Variants in DPP10 observed in about 807,000 individuals in gnomAD.
DPP10 encodes the protein dipeptidyl peptidase like 10.
DPP10 carries 33 observed loss-of-function variants against 120.9 expected under a neutral mutation model. The observed-to-expected ratio is 0.27, with a 90% CI of 0.21 to 0.37. The LOEUF (loss-of-function observed/expected upper bound fraction) is 0.37, where lower values mean the gene tolerates loss of function less well. DPP10 is among the 10% of genes least tolerant of loss of function. The pLI, the probability that DPP10 is intolerant of heterozygous loss-of-function variation, is 1.00. For missense variants in DPP10, 816 were observed against 942.8 expected (o/e 0.87, Z 1.76); for synonymous variants, 337 against 326.1 (o/e 1.03, Z -0.36).
chr2:114,650,044 A>C (rs1696460424), intron 1 of DPP10, among the ~76,000 whole-genome samples: 1 of 152,070 alleles, frequency 6.6e-6, no homozygotes, highest in South Asian at 2.1e-4. Context: ...TATACATTTT[A>C]TTTTTCAGAG....
At chr2:115,560,047 A>G (rs6542267) in intron 5 of DPP10, among the ~76,000 whole-genome samples, 149,706 of 151,798 alleles carry the variant, frequency 0.99, 73,861 homozygotes, top group East Asian at 1. Context: ...TCTCTCTAAG[A>G]CTTGAGGTCG....
At chr2:114,458,562 G>A (rs1393655993) in intron 1 of DPP10, among the ~76,000 whole-genome samples, 1 of 152,158 alleles carries the variant, frequency 6.6e-6, no homozygotes, top group East Asian at 1.9e-4. Flanking sequence ...CTAACAATGT[G>A]CGCTTTGGAA....
At chr2:115,483,738 C>A (rs549744642) in intron 3 of DPP10, among the ~76,000 whole-genome samples, 1 of 152,090 alleles carries the variant, frequency 6.6e-6, no homozygotes, top group Admixed American at 6.6e-5. Context: ...GCCTTACTGG[C>A]AGACTTACTT....
At chr2:114,747,515 T>G (rs185199060) in intron 1 of DPP10, among the ~76,000 whole-genome samples, 6 of 152,338 alleles carry the variant, frequency 3.9e-5, no homozygotes, top group East Asian at 3.9e-4. Context: ...TACACATGTA[T>G]GTATGGCATT....
intron 16 of DPP10, 85 bp from the exon 17 acceptor site, chr2:115,782,264 TGGG>T (rs200416819): frequency 8.6e-7 from 1 of 1,161,718 alleles, no homozygotes; most frequent in African/African-American, 1.7e-5. Context: ...TGCTTCCATT[TGGG>T]GGGAAAAAAC....
chr2:114,626,900 C>T (rs1037686678), intron 1 of DPP10, among the ~76,000 whole-genome samples: 3 of 151,976 alleles, frequency 2.0e-5, no homozygotes, highest in Non-Finnish European at 4.4e-5. Context: ...AAACATTTTC[C>T]GTGTGGTAGC....
intron 1 of DPP10, among the ~76,000 whole-genome samples, chr2:114,830,394 A>G (rs1686991958): frequency 6.6e-6 from 1 of 152,046 alleles, no homozygotes; most frequent in Non-Finnish European, 1.5e-5. Context: ...CCTTGCCTGG[A>G]GTATCCTCCT....
chr2:114,697,633 C>A (rs915057667), intron 1 of DPP10, among the ~76,000 whole-genome samples: 1 of 151,570 alleles, frequency 6.6e-6, no homozygotes, highest in Non-Finnish European at 1.5e-5. Context: ...ACTTGTAATC[C>A]CAGCTACTTG....
At chr2:115,058,666 G>C (rs1346613910) in intron 1 of DPP10, among the ~76,000 whole-genome samples, 4 of 152,150 alleles carry the variant, frequency 2.6e-5, no homozygotes, top group Non-Finnish European at 5.9e-5. Flanking sequence ...CTCCCAAAGT[G>C]CAGGGATTAC....
intron 1 of DPP10, among the ~76,000 whole-genome samples, chr2:115,210,964 A>G (rs965386469): frequency 6.6e-6 from 1 of 152,168 alleles, no homozygotes; most frequent in Non-Finnish European, 1.5e-5. Flanking sequence ...AGTCAAAACA[A>G]TACTATTGAG....
intron 1 of DPP10, among the ~76,000 whole-genome samples, chr2:114,575,820 G>C (rs1397360828): frequency 1.3e-5 from 2 of 152,090 alleles, no homozygotes; most frequent in Non-Finnish European, 2.9e-5. Context: ...ATTGGGTTCA[G>C]GGAAAGGTAG....
chr2:114,626,057 G>T (rs1372284128), intron 1 of DPP10, among the ~76,000 whole-genome samples: 1 of 151,000 alleles, frequency 6.6e-6, no homozygotes, highest in East Asian at 1.9e-4. Flanking sequence ...TTCAAATTTA[G>T]GGTTACAGTA....
chr2:114,809,577 G>C (rs538412255), intron 1 of DPP10, among the ~76,000 whole-genome samples: 23 of 152,046 alleles, frequency 1.5e-4, no homozygotes, highest in Admixed American at 8.5e-4. Flanking sequence ...TGTGACAATC[G>C]TGTGAAAGGG....
chr2:115,751,120 A>G (rs916690573), intron 10 of DPP10, among the ~76,000 whole-genome samples: 1 of 152,060 alleles, frequency 6.6e-6, no homozygotes, highest in Non-Finnish European at 1.5e-5. Flanking sequence ...ATTCAAATTA[A>G]TTTTTTACTT....
At chr2:114,839,179 G>A (rs188350333) in intron 1 of DPP10, among the ~76,000 whole-genome samples, 2 of 152,140 alleles carry the variant, frequency 1.3e-5, no homozygotes, top group African/African-American at 4.8e-5. Flanking sequence ...TGGATAATCT[G>A]TGTTGCCACA....
chr2:115,539,657 C>G (rs1274636378), intron 5 of DPP10, among the ~76,000 whole-genome samples: 1 of 151,766 alleles, frequency 6.6e-6, no homozygotes, highest in Admixed American at 6.6e-5. Flanking sequence ...TGAAATGTTG[C>G]AGCTTATATG....
intron 5 of DPP10, among the ~76,000 whole-genome samples, chr2:115,677,767 C>A (rs1305538450): frequency 1.3e-5 from 2 of 152,226 alleles, no homozygotes; most frequent in African/African-American, 4.8e-5. Flanking sequence ...TCCAGATTTA[C>A]AAAGCAAATA....
intron 7 of DPP10, among the ~76,000 whole-genome samples, chr2:115,698,011 A>G (rs900513120): frequency 5.3e-5 from 8 of 152,070 alleles, no homozygotes; most frequent in Non-Finnish European, 1.0e-4. Flanking sequence ...TAAAAAACAC[A>G]ATAAGCCAAC....
chr2:115,699,815 A>G (rs2091805140), intron 7 of DPP10, among the ~76,000 whole-genome samples: 1 of 152,222 alleles, frequency 6.6e-6, no homozygotes, highest in African/African-American at 2.4e-5. Context: ...ACTGTGTAAA[A>G]GATTATACAA....
Sources: gnomAD v4.1 joint callset for allele counts (sites outside exome capture counted in the v4.1 genomes callset) on GRCh38, gnomAD v4.1.1 for gene constraint, MANE v1.5 for transcripts, NCBI Gene and HGNC (gene_info 2026-07-23, HGNC 2026-07-21) for gene names.